The following C19orf38 variants were observed in gnomAD, a reference collection of about 807,000 sequenced individuals.
C19orf38 encodes the protein protein HIDE1.
A neutral mutation model predicts 26.6 loss-of-function variants in C19orf38; 14 were observed. The observed-to-expected ratio is 0.53, with a 90% CI of 0.35 to 0.82. The LOEUF is 0.82. C19orf38 is among the 40% of genes least tolerant of loss of function. The probability of loss-of-function intolerance (pLI) is 0.01; values close to 1 mark genes in which losing one functional copy is unlikely to be tolerated. For synonymous variants in C19orf38, 132 were observed against 128.5 expected (o/e 1.03, Z -0.18); for missense variants, 261 against 299.5 (o/e 0.87, Z 0.95).
rs545601112 is a variant in C19orf38, at chr19:10,867,259, C to T, written c.544-1959C>T. Among the ~76,000 whole-genome samples, 12 of 151,678 alleles carry T rather than the reference C, an allele frequency of 7.9e-5. No homozygotes were observed. The South Asian group carries it at 2.1e-3, about 26-fold the overall frequency. ...TTTTCCTTTTGTGACTGGCCTGTTT[C>T]GCTGAGCTTGATGTCCTCAAGGTTC... On this transcript the variant is annotated intron_variant, in intron 6 of 6. Transcript: ENST00000397820.
intron 2 of C19orf38, among the ~76,000 whole-genome samples, chr19:10,851,349 G>GT (rs2073570499): frequency 2.1e-5 from 2 of 96,606 alleles, no homozygotes; most frequent in Non-Finnish European, 3.6e-5. Flanking sequence ...ACTGCACCTG[G>GT]CTTTTTTTTT....
At chr19:10,859,372 ATATATATATATATTTTT>A (rs1239769358) in intron 4 of C19orf38, among the ~76,000 whole-genome samples, 12 of 54,900 alleles carry the variant, frequency 2.2e-4, no homozygotes, top group African/African-American at 8.6e-4. Context: ...ATATATATAT[ATATATATATATATTTTT>A]TTTTTTTTTT....
At chr19:10,851,268 A>G (rs1483810801) in intron 2 of C19orf38, among the ~76,000 whole-genome samples, 1 of 150,802 alleles carries the variant, frequency 6.6e-6, no homozygotes, top group Non-Finnish European at 1.5e-5. Flanking sequence ...TGGCCAGGCC[A>G]GTCTCGAACC....
intron 6 of C19orf38, among the ~76,000 whole-genome samples, chr19:10,863,751 T>C (rs968205621): frequency 1.3e-5 from 2 of 151,994 alleles, no homozygotes; most frequent in African/African-American, 2.4e-5. Flanking sequence ...TCATCTCTGC[T>C]AAATACAAAA....
chr19:10,838,270 C>T (rs1007887236), intron 1 of C19orf38, among the ~76,000 whole-genome samples: 7 of 151,970 alleles, frequency 4.6e-5, no homozygotes, highest in African/African-American at 1.5e-4. Flanking sequence ...ATTAGCCAGG[C>T]GTGGTGGCGG....
At chr19:10,862,857 G>T (rs1389630720) in intron 5 of C19orf38, among the ~76,000 whole-genome samples, 1 of 151,996 alleles carries the variant, frequency 6.6e-6, no homozygotes, top group Non-Finnish European at 1.5e-5. Flanking sequence ...ATGGGTGATG[G>T]AGCAATTGGA....
chr19:10,855,934 G>T (rs2073620602), intron 2 of C19orf38, among the ~76,000 whole-genome samples: 1 of 152,168 alleles, frequency 6.6e-6, no homozygotes, highest in Admixed American at 6.6e-5. Flanking sequence ...AAAGTGTTGG[G>T]ATTACAGGCA....
At chr19:10,838,653 G>A (rs1408729806) in intron 1 of C19orf38, among the ~76,000 whole-genome samples, 1 of 152,162 alleles carries the variant, frequency 6.6e-6, no homozygotes, top group Non-Finnish European at 1.5e-5. Context: ...GAGAACGAAC[G>A]TTTAATAGGC....
At chr19:10,867,692 GC>G (rs1379953776) in intron 6 of C19orf38, among the ~76,000 whole-genome samples, 1 of 111,274 alleles carries the variant, frequency 9.0e-6, no homozygotes, top group African/African-American at 3.5e-5. Flanking sequence ...TCACTCTGTC[GC>G]CCAGACTGCA....
intron 4 of C19orf38, among the ~76,000 whole-genome samples, chr19:10,859,268 GTGTGTGTGTGTATGTGTGTGTGTA>G (rs1289675954): frequency 2.2e-5 from 3 of 139,034 alleles, no homozygotes; most frequent in African/African-American, 2.7e-5. Flanking sequence ...GTGTGTGTGT[GTGTGTGTGTGTATGTGTGTGTGTA>G]TATGTGTGTG....
intron 1 of C19orf38, among the ~76,000 whole-genome samples, chr19:10,837,107 C>A (rs568173114): frequency 1.1e-4 from 17 of 152,328 alleles, no homozygotes; most frequent in African/African-American, 3.8e-4. Flanking sequence ...GGATAATAGG[C>A]CTACGCTACT....
At chr19:10,857,862 C>T (rs1263071272) in intron 3 of C19orf38, among the ~76,000 whole-genome samples, 2 of 130,426 alleles carry the variant, frequency 1.5e-5, no homozygotes, top group South Asian at 2.5e-4. Context: ...GCCTGGGCGA[C>T]AGAACGAGAC....
chr19:10,858,823 C>T (rs2146266199), intron 4 of C19orf38, among the ~76,000 whole-genome samples: 1 of 152,252 alleles, frequency 6.6e-6, no homozygotes, highest in Non-Finnish European at 1.5e-5. Context: ...GCCTCAGTTT[C>T]TCTCCTCCGA....
In C19orf38 at chr19:10,839,086, T is replaced by C. The variant is rs1316980482; in HGVS notation, c.-69+2316T>C. On this transcript the variant is annotated intron_variant, in intron 1 of 7. Transcript: ENST00000592854. ...ACGCCCAACTAATTTTTTGTATTTT[T>C]AGTAGAGACAGGATTTCACCATGTT... Among the ~76,000 whole-genome samples, 3 of 152,094 alleles carry C rather than the reference T, an allele frequency of 2.0e-5. No homozygotes were observed. The East Asian group carries it at 5.8e-4, about 29-fold the overall frequency.
chr19:10,839,060 C>A (rs545548377), intron 1 of C19orf38, among the ~76,000 whole-genome samples: 1 of 152,188 alleles, frequency 6.6e-6, no homozygotes, highest in South Asian at 2.1e-4. Flanking sequence ...TGCCTGCCAC[C>A]ACGCCCAACT....
At chr19:10,839,554 A>T (rs1182065585) in intron 1 of C19orf38, among the ~76,000 whole-genome samples, 1 of 151,966 alleles carries the variant, frequency 6.6e-6, no homozygotes, top group Non-Finnish European at 1.5e-5. Context: ...GCCTCTAGGG[A>T]TTTACCTACT....
intron 1 of C19orf38, among the ~76,000 whole-genome samples, chr19:10,838,120 C>A (rs2146233227): frequency 6.6e-6 from 1 of 152,232 alleles, no homozygotes; most frequent in African/African-American, 2.4e-5. Flanking sequence ...ATAAAATTAA[C>A]AATTTTAAGG....
intron 5 of C19orf38, among the ~76,000 whole-genome samples, chr19:10,860,425 T>G (rs1276986498): frequency 6.8e-6 from 1 of 147,852 alleles, no homozygotes; most frequent in Non-Finnish European, 1.5e-5. Flanking sequence ...TCCCAGCTAC[T>G]TGGGAGGCTG....
upstream of C19orf38, among the ~76,000 whole-genome samples, chr19:10,847,898 AGG>A (rs949821283): frequency 1.3e-5 from 2 of 152,016 alleles, no homozygotes; most frequent in Non-Finnish European, 2.9e-5. Context: ...TTCTCTTAGA[AGG>A]AGAGACAAAA....
Sources: allele counts gnomAD v4.1 joint callset (sites outside exome capture counted in the v4.1 genomes callset), GRCh38; gene constraint gnomAD v4.1.1; transcripts MANE v1.5; gene names NCBI Gene and HGNC (gene_info 2026-07-23, HGNC 2026-07-21).